ADK: variants seen among roughly 807,000 people sequenced by gnomAD.
ADK encodes adenosine kinase, also known as N6,N6-dimethyladenosine kinase.
Under a neutral mutation model 44.7 loss-of-function variants are expected in ADK, and 24 were observed. That is an observed-to-expected ratio of 0.54 (90% CI 0.39 to 0.76). The LOEUF (loss-of-function observed/expected upper bound fraction) is 0.76. ADK is among the 30% of genes least tolerant of loss of function. The probability of loss-of-function intolerance (pLI) is 0.00; values close to 1 mark genes in which losing one functional copy is unlikely to be tolerated. For synonymous variants in ADK, 128 were observed against 142.6 expected (o/e 0.90, Z 0.73); for missense variants, 321 against 425.1 (o/e 0.76, Z 2.15).
chr10:74,608,517 A>T (rs956168137), intron 9 of ADK, among the ~76,000 whole-genome samples: 1 of 151,998 alleles, frequency 6.6e-6, no homozygotes, highest in African/African-American at 2.4e-5. Flanking sequence ...AGTTTTCTGG[A>T]GGTCCACTCC....
At chr10:74,232,822 C>G (rs1241469782) in intron 3 of ADK, among the ~76,000 whole-genome samples, 1 of 152,076 alleles carries the variant, frequency 6.6e-6, no homozygotes, top group Non-Finnish European at 1.5e-5. Context: ...GGCAGGGTTT[C>G]ACTGTGTTGG....
intron 6 of ADK, among the ~76,000 whole-genome samples, chr10:74,497,416 T>C (rs1847730860): frequency 6.6e-6 from 1 of 152,188 alleles, no homozygotes; most frequent in Non-Finnish European, 1.5e-5. Flanking sequence ...AACCATTGCT[T>C]CAGCTGTCTG....
intron 10 of ADK, among the ~76,000 whole-genome samples, chr10:74,694,867 C>T (rs139087199): frequency 2.0e-3 from 299 of 152,084 alleles, no homozygotes; most frequent in African/African-American, 6.9e-3. Context: ...TTTTCTACCT[C>T]TAGGACATAA....
chr10:74,409,647 A>T (rs956547664), intron 6 of ADK, among the ~76,000 whole-genome samples: 11 of 152,026 alleles, frequency 7.2e-5, no homozygotes, highest in African/African-American at 2.7e-4. Flanking sequence ...TCGGTCTAGA[A>T]TTTTACTACT....
At chr10:74,572,496 C>T (rs1851006128) in intron 7 of ADK, among the ~76,000 whole-genome samples, 1 of 152,136 alleles carries the variant, frequency 6.6e-6, no homozygotes, top group Non-Finnish European at 1.5e-5. Flanking sequence ...AGTTGCTCTT[C>T]TCGAGGAGTA....
intron 7 of ADK, among the ~76,000 whole-genome samples, chr10:74,534,049 A>G (rs1342068105): frequency 6.6e-6 from 1 of 152,214 alleles, no homozygotes; most frequent in Admixed American, 6.5e-5. Context: ...ATATGATTCT[A>G]TTTATATTCT....
intron 4 of ADK, among the ~76,000 whole-genome samples, chr10:74,351,577 G>T (rs2131906190): frequency 6.6e-6 from 1 of 152,212 alleles, no homozygotes; most frequent in Non-Finnish European, 1.5e-5. Flanking sequence ...GAGCAATCTG[G>T]CAAGAGAAAG....
chr10:74,218,239 C>T (rs565441675), intron 2 of ADK, among the ~76,000 whole-genome samples: 5 of 151,862 alleles, frequency 3.3e-5, no homozygotes, highest in East Asian at 1.9e-4. Context: ...CCTCAGGAGC[C>T]GATGTGATCA....
chr10:74,233,745 T>C (rs1591905075), intron 3 of ADK, among the ~76,000 whole-genome samples: 1 of 152,344 alleles, frequency 6.6e-6, no homozygotes, highest in East Asian at 1.9e-4. Flanking sequence ...ATTTCTTTCA[T>C]TACCTACTTC....
chr10:74,254,002 A>T (rs915643293), intron 3 of ADK, among the ~76,000 whole-genome samples: 1 of 151,928 alleles, frequency 6.6e-6, no homozygotes, highest in Non-Finnish European at 1.5e-5. Context: ...GCTGACCTCA[A>T]GTGATCCGCC....
chr10:74,431,511 TGGGCAGATCACTTGA>T (rs1258710837), intron 6 of ADK, among the ~76,000 whole-genome samples: 1 of 151,914 alleles, frequency 6.6e-6, no homozygotes, highest in Non-Finnish European at 1.5e-5. Flanking sequence ...GAGGCCGAGG[TGGGCAGATCACTTGA>T]GGTCAGGAGT....
At chr10:74,386,831 T>G (rs1227226701) in intron 4 of ADK, among the ~76,000 whole-genome samples, 1 of 152,166 alleles carries the variant, frequency 6.6e-6, no homozygotes, top group Admixed American at 6.5e-5. Flanking sequence ...TAAGTCCCCT[T>G]GGGGTGCTGT....
At chr10:74,675,902 A>G (rs1190269891) in intron 10 of ADK, among the ~76,000 whole-genome samples, 4 of 152,164 alleles carry the variant, frequency 2.6e-5, no homozygotes, top group Non-Finnish European at 4.4e-5. Context: ...GTTTTATGGC[A>G]GCTGTGGGAA....
intron 4 of ADK, among the ~76,000 whole-genome samples, chr10:74,354,793 A>C (rs895966433): frequency 6.6e-6 from 1 of 152,200 alleles, no homozygotes; most frequent in African/African-American, 2.4e-5. Flanking sequence ...ACTCCACTTT[A>C]ATGTATTATC....
chr10:74,194,715 G>C (rs371634296), intron 1 of ADK, among the ~76,000 whole-genome samples: 1 of 152,286 alleles, frequency 6.6e-6, no homozygotes, highest in African/African-American at 2.4e-5. Context: ...TCCAGGTACA[G>C]GAAGCGTTTG....
At chr10:74,364,851 T>C (rs1445501477) in intron 4 of ADK, among the ~76,000 whole-genome samples, 11 of 152,054 alleles carry the variant, frequency 7.2e-5, no homozygotes, top group Non-Finnish European at 5.9e-5. Context: ...TTACAGAATC[T>C]ACAGTAGTGA....
intron 9 of ADK, among the ~76,000 whole-genome samples, chr10:74,631,013 C>A (rs374449664): frequency 6.6e-6 from 1 of 151,568 alleles, no homozygotes. Context: ...TAGATTTGAC[C>A]ATTGGAAGTG....
chr10:74,302,499 A>G (rs182744503), intron 3 of ADK, among the ~76,000 whole-genome samples: 1 of 151,826 alleles, frequency 6.6e-6, no homozygotes. Context: ...ACTGGAAAGA[A>G]TTTATATTCC....
chr10:74,604,261 C>G (rs1416487063), intron 9 of ADK, among the ~76,000 whole-genome samples: 1 of 152,150 alleles, frequency 6.6e-6, no homozygotes, highest in African/African-American at 2.4e-5. Flanking sequence ...TTAATTGGAT[C>G]CCATTTGTCA....
Sources: gnomAD v4.1 joint callset for allele counts (sites outside exome capture counted in the v4.1 genomes callset) on GRCh38, gnomAD v4.1.1 for gene constraint, MANE v1.5 for transcripts, NCBI Gene and HGNC (gene_info 2026-07-23, HGNC 2026-07-21) for gene names.